CDH18: variants seen among roughly 807,000 people sequenced by gnomAD.
CDH18 encodes cadherin 18.
CDH18 carries 31 observed loss-of-function variants against 67.9 expected under a neutral mutation model. The ratio of observed to expected loss-of-function variants is 0.46; its 90% CI spans 0.34 to 0.62. The LOEUF (loss-of-function observed/expected upper bound fraction) is 0.62, where lower values mean the gene tolerates loss of function less well. Ranked by LOEUF, CDH18 falls within the 20% of genes least tolerant of loss-of-function variation. The pLI, the probability that CDH18 is intolerant of heterozygous loss-of-function variation, is 0.01. For synonymous variants in CDH18, 362 were observed against 347.2 expected, an observed-to-expected ratio of 1.04 and a Z score of -0.48; for missense variants, 890 against 975.5, an observed-to-expected ratio of 0.91 and a Z score of 1.17.
At chr5:20,145,420 C>T (rs1750566710) in intron 2 of CDH18, among the ~76,000 whole-genome samples, 1 of 152,132 alleles carries the variant, frequency 6.6e-6, no homozygotes, top group Admixed American at 6.6e-5. Flanking sequence ...AATACTGTTG[C>T]TAACGTTACC....
chr5:20,472,263 T>C (rs1054730053), intron 1 of CDH18, among the ~76,000 whole-genome samples: 1 of 152,228 alleles, frequency 6.6e-6, no homozygotes, highest in African/African-American at 2.4e-5. Flanking sequence ...TAGTGGATTA[T>C]GAATGATTAG....
chr5:19,692,531 A>G (rs184090413), intron 5 of CDH18, among the ~76,000 whole-genome samples: 5 of 152,086 alleles, frequency 3.3e-5, no homozygotes, highest in Non-Finnish European at 7.4e-5. Context: ...CAAATAATTC[A>G]GCGGAAAAAA....
At chr5:20,274,997 C>T (rs760611550) in intron 1 of CDH18, among the ~76,000 whole-genome samples, 1 of 151,968 alleles carries the variant, frequency 6.6e-6, no homozygotes, top group Non-Finnish European at 1.5e-5. Context: ...CATATCAAGG[C>T]CCTTAAATGT....
At chr5:19,693,076 T>C (rs1762104287) in intron 5 of CDH18, among the ~76,000 whole-genome samples, 1 of 141,448 alleles carries the variant, frequency 7.1e-6, no homozygotes, top group Non-Finnish European at 1.6e-5. Context: ...AATAATAAAA[T>C]CCTTTTTTTT....
At chr5:19,917,986 A>G (rs567285973) in intron 2 of CDH18, among the ~76,000 whole-genome samples, 7 of 152,286 alleles carry the variant, frequency 4.6e-5, no homozygotes, top group Admixed American at 4.6e-4. Flanking sequence ...GAGATGAGTA[A>G]GGTAACCTCT....
chr5:20,435,552 A>G (rs1413047277), intron 1 of CDH18, among the ~76,000 whole-genome samples: 1 of 151,972 alleles, frequency 6.6e-6, no homozygotes, highest in Non-Finnish European at 1.5e-5. Flanking sequence ...TGATATTGTT[A>G]CAAATACTGA....
intron 2 of CDH18, among the ~76,000 whole-genome samples, chr5:19,861,374 G>A: frequency 6.6e-6 from 1 of 152,094 alleles, no homozygotes. Flanking sequence ...GGAGCCGGGA[G>A]GAGGCTAGGC....
At chr5:19,492,664 T>G (rs1741654303) in intron 11 of CDH18, among the ~76,000 whole-genome samples, 1 of 152,112 alleles carries the variant, frequency 6.6e-6, no homozygotes, top group Admixed American at 6.5e-5. Flanking sequence ...TAAATAAAGT[T>G]ATGTTATTAC....
At chr5:19,585,390 C>T (rs1743991235) in intron 7 of CDH18, among the ~76,000 whole-genome samples, 2 of 152,082 alleles carry the variant, frequency 1.3e-5, no homozygotes, top group South Asian at 2.1e-4. Flanking sequence ...GGACTTAATA[C>T]ACAGGAACGC....
intron 2 of CDH18, among the ~76,000 whole-genome samples, chr5:20,133,227 A>G: frequency 6.6e-6 from 1 of 152,202 alleles, no homozygotes; most frequent in East Asian, 1.9e-4. Flanking sequence ...GGTAATTTGT[A>G]AAGAAAAATA....
intron 1 of CDH18, among the ~76,000 whole-genome samples, chr5:20,489,588 T>G (rs1753458200): frequency 1.3e-5 from 2 of 152,108 alleles, no homozygotes; most frequent in African/African-American, 4.8e-5. Context: ...ACAGTAAGTT[T>G]GTAATATATT....
intron 2 of CDH18, among the ~76,000 whole-genome samples, chr5:20,016,063 A>G (rs1452976148): frequency 1.3e-5 from 2 of 152,162 alleles, no homozygotes; most frequent in East Asian, 3.8e-4. Context: ...GAATCAATCT[A>G]AATACCCATC....
intron 9 of CDH18, among the ~76,000 whole-genome samples, chr5:19,526,467 A>G (rs1255731427): frequency 6.6e-6 from 1 of 152,136 alleles, no homozygotes; most frequent in African/African-American, 2.4e-5. Flanking sequence ...TTATCCAGTG[A>G]TTACTTTTGG....
intron 3 of CDH18, among the ~76,000 whole-genome samples, chr5:19,814,495 T>C (rs984838921): frequency 5.1e-5 from 6 of 116,608 alleles, no homozygotes; most frequent in African/African-American, 1.2e-4. Context: ...CTATGTGTTA[T>C]AGAATATTTA....
intron 1 of CDH18, among the ~76,000 whole-genome samples, chr5:20,532,999 G>A (rs540297592): frequency 6.6e-6 from 1 of 151,728 alleles, no homozygotes; most frequent in East Asian, 1.9e-4. Context: ...AGACTGTGAC[G>A]TTTTTTGGAG....
intron 2 of CDH18, among the ~76,000 whole-genome samples, chr5:20,153,387 G>A (rs559878638): frequency 6.6e-6 from 1 of 152,116 alleles, no homozygotes; most frequent in Admixed American, 6.5e-5. Context: ...TCCAATATGT[G>A]GGCAAGCACA....
chr5:19,939,563 A>T (rs1794621398), intron 2 of CDH18, among the ~76,000 whole-genome samples: 1 of 151,744 alleles, frequency 6.6e-6, no homozygotes, highest in Admixed American at 6.6e-5. Context: ...ACAATTTTTG[A>T]TACAATTTTC....
intron 2 of CDH18, among the ~76,000 whole-genome samples, chr5:19,855,493 T>A (rs1784184037): frequency 6.6e-6 from 1 of 152,162 alleles, no homozygotes; most frequent in Admixed American, 6.6e-5. Flanking sequence ...TATTTTATTT[T>A]TTTTCTTGTT....
chr5:20,057,966 C>G (rs906818663), intron 2 of CDH18, among the ~76,000 whole-genome samples: 1 of 151,972 alleles, frequency 6.6e-6, no homozygotes, highest in Non-Finnish European at 1.5e-5. Flanking sequence ...TCACCATTAT[C>G]AAAAAAGAAA....
Sources: gnomAD v4.1 joint callset for allele counts (sites outside exome capture counted in the v4.1 genomes callset) on GRCh38, gnomAD v4.1.1 for gene constraint, MANE v1.5 for transcripts, NCBI Gene and HGNC (gene_info 2026-07-23, HGNC 2026-07-21) for gene names.